The following UTRN variants were observed in gnomAD, a reference collection of about 807,000 sequenced individuals.
UTRN encodes dystrophin-related protein 1.
Under a neutral mutation model 463.9 loss-of-function variants are expected in UTRN, and 283 were observed. That is an observed-to-expected ratio of 0.61 (90% confidence interval 0.55 to 0.67). The LOEUF (loss-of-function observed/expected upper bound fraction) is 0.67. UTRN is among the 30% of genes least tolerant of loss of function. The pLI, the probability that UTRN is intolerant of heterozygous loss-of-function variation, is 0.00. For synonymous variants in UTRN, 1,442 were observed against 1,431.5 expected, an observed-to-expected ratio of 1.01 and a Z score of -0.17; for missense variants, 3,922 against 4,084.3, an observed-to-expected ratio of 0.96 and a Z score of 1.08.
intron 3 of UTRN, among the ~76,000 whole-genome samples, chr6:144,416,835 ATG>A (rs1229840281): frequency 2.0e-5 from 3 of 152,240 alleles, no homozygotes; most frequent in Non-Finnish European, 4.4e-5. Context: ...AATAAGGAGA[ATG>A]ACCTGAACTT....
chr6:144,408,726 A>G (rs1304975898), intron 3 of UTRN, among the ~76,000 whole-genome samples: 1 of 152,236 alleles, frequency 6.6e-6, no homozygotes, highest in Non-Finnish European at 1.5e-5. Flanking sequence ...AGACAGTGAG[A>G]CATTGCTTTT....
chr6:144,403,018 T>C (rs904929190), intron 2 of UTRN, 105 bp from the exon 3 acceptor site: 1 of 987,454 alleles, frequency 1.0e-6, no homozygotes, highest in Non-Finnish European at 1.5e-6. Flanking sequence ...GCTCGACTAA[T>C]AGGACTATTT....
intron 41 of UTRN, among the ~76,000 whole-genome samples, chr6:144,525,880 G>A (rs923080362): frequency 3.9e-5 from 6 of 151,996 alleles, no homozygotes; most frequent in African/African-American, 1.2e-4. Context: ...GATAGGTTGC[G>A]TCACTATTAT....
At chr6:144,293,325 A>G (rs968040071) in intron 2 of UTRN, among the ~76,000 whole-genome samples, 1 of 152,178 alleles carries the variant, frequency 6.6e-6, no homozygotes, top group South Asian at 2.1e-4. Context: ...TGATATTTAT[A>G]ACTTGTACTT....
In UTRN at chr6:144,554,741, C is replaced by G; in HGVS notation, c.6982C>G (p.Gln2328Glu). The change falls in exon 49 of 75, where the codon CAG becomes GAG. Residue 2328 changes from glutamine (Q) to glutamate (E), a missense_variant. Coordinates refer to ENST00000367545, the MANE Select transcript of UTRN (RefSeq NM_007124.3). ...CACCCAGCATGGCGTTGAGCTAAGACAGCAGCAGCTTGAGGACATGATTAT... is the reference window on the plus strand; with the variant it reads ...CACCCAGCATGGCGTTGAGCTAAGAGAGCAGCAGCTTGAGGACATGATTAT... Reference protein sequence around the residue: ...DGTQHGVELRQQQLEDMIIDS... With the variant: ...DGTQHGVELREQQLEDMIIDS... The G allele has an allele frequency of 6.2e-7, 1 of 1,613,924 alleles. No homozygotes were observed. Among genetic ancestry groups the G allele is most frequent in the Admixed American group, 1.7e-5 (1 of 59,996 alleles).
At chr6:144,598,956 A>T (rs1485993118) in intron 51 of UTRN, among the ~76,000 whole-genome samples, 1 of 152,130 alleles carries the variant, frequency 6.6e-6, no homozygotes, top group African/African-American at 2.4e-5. Context: ...ACTAGAAATA[A>T]CTCAAAGGTT....
At chr6:144,421,798 C>G in intron 3 of UTRN, 80 bp from the exon 4 acceptor site, 1 of 992,320 alleles carries the variant, frequency 1.0e-6, no homozygotes, top group Non-Finnish European at 1.4e-6. Context: ...AAAATGAAGC[C>G]ACTCATTTAT....
intron 4 of UTRN, among the ~76,000 whole-genome samples, chr6:144,423,270 TG>T (rs1184220535): frequency 1.3e-5 from 2 of 151,820 alleles, no homozygotes; most frequent in Admixed American, 1.3e-4. Context: ...TCTTTGGGGG[TG>T]GGGTTGGACA....
chr6:144,522,159 A>G lies in UTRN; in HGVS notation c.5721A>G (p.Glu1907=), dbSNP rs1796163684. Reference sequence around the variant, plus strand: ...TTTACGAAGACTTCTCTTTTCAGGAAGACTCTCTGAAGGTAGACCTCTGGG... The same window carrying G: ...TTTACGAAGACTTCTCTTTTCAGGAGGACTCTCTGAAGGTAGACCTCTGGG... ...TAIYEDFSFQ[E]DSLKNIKDQL... is the part of the protein sequence containing the mutation. The change falls in exon 40 of 75, where the codon GAA becomes GAG. Residue 1907 remains glutamate (E), a synonymous_variant. Coordinates refer to ENST00000367545, the MANE Select transcript of UTRN (RefSeq NM_007124.3). The G allele has an allele frequency of 3.9e-6, 6 of 1,540,376 alleles. No homozygotes were observed. The African/African-American group carries it at 8.4e-5, about 22-fold the overall frequency.
intron 2 of UTRN, among the ~76,000 whole-genome samples, chr6:144,349,096 C>G (rs985673061): frequency 4.6e-5 from 7 of 152,072 alleles, no homozygotes; most frequent in Non-Finnish European, 8.8e-5. Context: ...GCAAGCTCCT[C>G]CTCCCGGGTT....
chr6:144,506,388 G>A (rs1794693372), intron 34 of UTRN, among the ~76,000 whole-genome samples: 1 of 152,164 alleles, frequency 6.6e-6, no homozygotes, highest in African/African-American at 2.4e-5. Flanking sequence ...TGTTTTTGCA[G>A]TGGCTGGAAC....
intron 54 of UTRN, among the ~76,000 whole-genome samples, chr6:144,742,389 T>C (rs1218959831): frequency 2.0e-5 from 3 of 152,204 alleles, no homozygotes; most frequent in African/African-American, 7.2e-5. Context: ...TTCAGAGTTA[T>C]TAAATGGATC....
chr6:144,351,550 T>C (rs1015357380), intron 2 of UTRN, among the ~76,000 whole-genome samples: 2 of 152,218 alleles, frequency 1.3e-5, no homozygotes. Context: ...GATGTTTTGC[T>C]GTTTTCAAAG....
chr6:144,709,279 A>G (rs1785415423), intron 53 of UTRN, among the ~76,000 whole-genome samples: 1 of 152,190 alleles, frequency 6.6e-6, no homozygotes, highest in Non-Finnish European at 1.5e-5. Flanking sequence ...AACTTTTAAA[A>G]CCAATTTTTT....
At chr6:144,842,541 A>G (rs1441402774) in intron 73 of UTRN, among the ~76,000 whole-genome samples, 1 of 152,182 alleles carries the variant, frequency 6.6e-6, no homozygotes, top group Non-Finnish European at 1.5e-5. Context: ...GTGAGTTGAG[A>G]TCATGCCACT....
intron 57 of UTRN, among the ~76,000 whole-genome samples, chr6:144,755,403 C>A (rs758337436): frequency 6.4e-4 from 98 of 152,150 alleles, no homozygotes; most frequent in Non-Finnish European, 1.2e-3. Context: ...ATTTGAGCTT[C>A]TACTTTATCA....
At chr6:144,516,518 T>A (rs1459864145) in intron 38 of UTRN, 131 bp downstream of exon 38, 1 of 1,066,156 alleles carries the variant, frequency 9.4e-7, no homozygotes, top group African/African-American at 1.6e-5. Flanking sequence ...GATTTTTTGA[T>A]GTGTGTCAAT....
At chr6:144,802,227 T>G (rs1252862706) in intron 64 of UTRN, among the ~76,000 whole-genome samples, 1 of 152,188 alleles carries the variant, frequency 6.6e-6, no homozygotes, top group Non-Finnish European at 1.5e-5. Context: ...ATAGCCTCCT[T>G]GGCAAAAGTA....
chr6:144,441,966 T>G (rs1472717964), intron 13 of UTRN, among the ~76,000 whole-genome samples: 2 of 152,116 alleles, frequency 1.3e-5, no homozygotes, highest in African/African-American at 2.4e-5. Context: ...GGGCACCAAG[T>G]ACCTAGCCAC....
Sources: gnomAD v4.1 joint callset for allele counts (sites outside exome capture counted in the v4.1 genomes callset) on GRCh38, gnomAD v4.1.1 for gene constraint, MANE v1.5 for transcripts, NCBI Gene and HGNC (gene_info 2026-07-23, HGNC 2026-07-21) for gene names.